ZC3H18: variants seen among roughly 807,000 people sequenced by gnomAD.
ZC3H18 encodes zinc finger CCCH-type containing 18.
In ZC3H18, 8 loss-of-function variants were observed where a neutral mutation model predicts 106.1. That is an observed-to-expected ratio of 0.08 (90% confidence interval 0.04 to 0.14). ZC3H18 has a LOEUF of 0.14. ZC3H18 is among the 10% of genes least tolerant of loss of function. ZC3H18 has a pLI of 1.00. For synonymous variants in ZC3H18, 635 were observed against 522.1 expected (o/e 1.22, Z -2.95); for missense variants, 1,318 against 1,278.4 (o/e 1.03, Z -0.47).
intron 9 of ZC3H18, chr16:88,622,720 C>A: frequency 3.0e-6 from 1 of 330,684 alleles, no homozygotes; most frequent in Non-Finnish European, 5.6e-6. Context: ...CCATCTGTTC[C>A]TCCAGACTGG....
chr16:88,600,722 C>T (rs1166007516), intron 6 of ZC3H18, among the ~76,000 whole-genome samples: 2 of 152,230 alleles, frequency 1.3e-5, no homozygotes, highest in African/African-American at 2.4e-5. Context: ...CCCTTTATGC[C>T]TGGTCTTTAA....
intron 2 of ZC3H18, among the ~76,000 whole-genome samples, chr16:88,582,306 C>A (rs1022900226): frequency 7.1e-6 from 1 of 140,078 alleles, no homozygotes; most frequent in African/African-American, 2.7e-5. Flanking sequence ...CTCACTGCAA[C>A]CTCTGCCTCC....
intron 8 of ZC3H18, among the ~76,000 whole-genome samples, chr16:88,615,593 C>G (rs1032782477): frequency 1.1e-4 from 17 of 152,214 alleles, no homozygotes; most frequent in African/African-American, 3.9e-4. Flanking sequence ...ACAGAACCAG[C>G]TGAGTCTGCT....
intron 8 of ZC3H18, among the ~76,000 whole-genome samples, chr16:88,621,313 C>T (rs983048549): frequency 2.0e-5 from 3 of 152,056 alleles, no homozygotes; most frequent in Non-Finnish European, 4.4e-5. Flanking sequence ...CAAGCTCCAC[C>T]TCCCGGGTTC....
intron 2 of ZC3H18, among the ~76,000 whole-genome samples, chr16:88,578,934 C>T (rs1914938451): frequency 1.3e-5 from 2 of 152,172 alleles, no homozygotes; most frequent in Non-Finnish European, 1.5e-5. Context: ...GTGATCCGGC[C>T]GTCTCAGCCT....
In ZC3H18 at chr16:88,577,296, C is replaced by A. The variant is rs200921944; in HGVS notation, c.173C>A (p.Pro58Gln). Residue 58 changes from proline to glutamine, a missense_variant, in exon 2 of 18, where the codon CCG (proline) becomes CAG (glutamine). Coordinates refer to ENST00000301011, the MANE Select transcript of ZC3H18 (RefSeq NM_144604.4). ...LEDEESAARGPSQEEEDNHSD... is the reference protein window; with the variant it reads ...LEDEESAARGQSQEEEDNHSD... ...GATGAGGAAAGTGCAGCCAGGGGGC[C>A]GAGCCAGGAGGAGGAAGATAATCAC... is the stretch of plus-strand genomic sequence containing the variant. 1 of 1,612,258 alleles carries A rather than the reference C, an allele frequency of 6.2e-7. No individual in the cohort carries two copies. The highest frequency in any genetic ancestry group is 1.1e-5 in the South Asian group (1 of 90,832).
intron 8 of ZC3H18, among the ~76,000 whole-genome samples, chr16:88,619,142 C>T (rs1334980135): frequency 1.3e-5 from 2 of 152,058 alleles, no homozygotes; most frequent in South Asian, 2.1e-4. Context: ...CCCGGAGACT[C>T]GCTATCAAAG....
intron 2 of ZC3H18, among the ~76,000 whole-genome samples, chr16:88,581,527 G>T (rs569531845): frequency 2.0e-4 from 31 of 152,296 alleles, no homozygotes; most frequent in African/African-American, 7.5e-4. Flanking sequence ...TGGAAGTGCC[G>T]CTGGCCTGCG....
intron 4 of ZC3H18, 59 bp downstream of exon 4, chr16:88,598,385 C>G: frequency 1.3e-6 from 2 of 1,553,596 alleles, no homozygotes; most frequent in Non-Finnish European, 8.7e-7. Context: ...GTGTCTGAAT[C>G]TCAAGCTTAA....
intron 16 of ZC3H18, chr16:88,630,143 T>G: frequency 4.0e-6 from 1 of 251,182 alleles, no homozygotes; most frequent in Non-Finnish European, 7.7e-6. Context: ...CGGCTTTGCT[T>G]GTATTTCTTT....
rs1273370770 is a variant in ZC3H18, at chr16:88,622,191, T to C, written c.1476-6T>C. The C allele has an allele frequency of 6.2e-7, 1 of 1,605,576 alleles. No individual in the cohort carries two copies. The highest frequency in any genetic ancestry group is 8.5e-7 in the Non-Finnish European group (1 of 1,174,176). ...CTGAGAGTTGCTAATGCCTCTGTAA[T>C]TTCAGCCGCCAAGCTGAGCCACCAA... On this transcript the variant is annotated splice_region_variant and splice_polypyrimidine_tract_variant and intron_variant, in intron 8 of 17. Coordinates refer to ENST00000301011, the MANE Select transcript of ZC3H18 (RefSeq NM_144604.4).
intron 3 of ZC3H18, among the ~76,000 whole-genome samples, chr16:88,594,817 AAAT>A (rs769449818): frequency 6.6e-6 from 1 of 152,208 alleles, no homozygotes; most frequent in Non-Finnish European, 1.5e-5. Context: ...CATATATATA[AAAT>A]AATACAGTGT....
chr16:88,609,300 T>C (rs1220241209), intron 7 of ZC3H18: 1 of 278,756 alleles, frequency 3.6e-6, no homozygotes, highest in Non-Finnish European at 7.0e-6. Flanking sequence ...GTGTGGTGTT[T>C]GTTTGTTTGT....
At chr16:88,586,537 T>A in intron 2 of ZC3H18, 63 bp from the exon 3 acceptor site, 1 of 1,366,264 alleles carries the variant, frequency 7.3e-7, no homozygotes, top group Non-Finnish European at 1.0e-6. Flanking sequence ...CCTTCTGGTT[T>A]GGAGAAAGCA....
At chr16:88,592,363 G>A (rs1732942962) in intron 3 of ZC3H18, among the ~76,000 whole-genome samples, 1 of 152,198 alleles carries the variant, frequency 6.6e-6, no homozygotes, top group South Asian at 2.1e-4. Flanking sequence ...TTGCAAAACT[G>A]TGTTTAAAGC....
At chr16:88,586,251 C>T (rs184375135) in intron 2 of ZC3H18, among the ~76,000 whole-genome samples, 10 of 152,278 alleles carry the variant, frequency 6.6e-5, no homozygotes, top group Admixed American at 5.9e-4. Context: ...ATATTTTGTT[C>T]TCCATATTTT....
chr16:88,606,473 A>G lies in ZC3H18; in HGVS notation c.1089-2461A>G, dbSNP rs563906900. Reference sequence around the variant, plus strand: ...TCATTTTGCTTAAGTACAGTTTCCCAAAAACAAATTTGCCGGCACAGTCCT... The same window carrying G: ...TCATTTTGCTTAAGTACAGTTTCCCGAAAACAAATTTGCCGGCACAGTCCT... On this transcript the variant is annotated intron_variant, in intron 6 of 17. Coordinates refer to ENST00000301011, the MANE Select transcript of ZC3H18 (RefSeq NM_144604.4). Among the ~76,000 whole-genome samples, 28 of 152,330 alleles carry G rather than the reference A, an allele frequency of 1.8e-4. No homozygotes were observed. The South Asian group carries it at 5.6e-3, about 30-fold the overall frequency.
intron 3 of ZC3H18, among the ~76,000 whole-genome samples, chr16:88,595,474 C>CTTTT (rs11302563): frequency 1.1e-4 from 15 of 133,554 alleles, no homozygotes; most frequent in Admixed American, 1.5e-4. Flanking sequence ...TTCTTTCTTT[C>CTTTT]TTTTTTTTTT....
intron 6 of ZC3H18, among the ~76,000 whole-genome samples, chr16:88,604,618 G>A (rs137926376): frequency 0.067 from 10,052 of 150,832 alleles, 448 homozygotes; most frequent in Non-Finnish European, 0.099. Flanking sequence ...CCCAGGAGGC[G>A]GAGCTTACAG....
Sources: gnomAD v4.1 joint callset for allele counts (sites outside exome capture counted in the v4.1 genomes callset) on GRCh38, gnomAD v4.1.1 for gene constraint, MANE v1.5 for transcripts, NCBI Gene and HGNC (gene_info 2026-07-23, HGNC 2026-07-21) for gene names.